Variants in ACSM2A observed in about 807,000 individuals in gnomAD.
The protein encoded by ACSM2A is acyl-coenzyme A synthetase ACSM2A, mitochondrial.
A neutral mutation model predicts 76.6 loss-of-function variants in ACSM2A; 72 were observed. The observed-to-expected ratio is 0.94, with a 90% confidence interval of 0.78 to 1.14. The LOEUF is 1.14. Ranked by LOEUF, ACSM2A falls within the 50% of genes most tolerant of loss-of-function variation. The probability of loss-of-function intolerance (pLI) is 0.00; values close to 1 mark genes in which losing one functional copy is unlikely to be tolerated. For missense variants in ACSM2A, 684 were observed against 708.5 expected (o/e 0.97, Z 0.39); for synonymous variants, 249 against 255.9 (o/e 0.97, Z 0.26).
chr16:20,474,144 C>T (rs59539444), intron 6 of ACSM2A: 4,723 of 409,620 alleles, frequency 0.012, 207 homozygotes, highest in African/African-American at 0.088. Flanking sequence ...AATTTGGGCA[C>T]GTGTTCTCAG....
chr16:20,464,126 C>T lies in ACSM2A; in HGVS notation c.178-1391C>T, dbSNP rs191583436. Among the ~76,000 whole-genome samples the T allele has an allele frequency of 3.9e-5, 6 of 152,274 alleles. No individual in the cohort carries two copies. In the East Asian group the frequency reaches 9.7e-4, roughly 24 times the overall value. On this transcript the variant is annotated intron_variant, in intron 2 of 13. Transcript: ENST00000573854. ...TCTGGTCAGCCTGCATTTCATTGTCCATAATTCTATCAGCATTTTGGTCAC... is the reference window on the plus strand; with the variant it reads ...TCTGGTCAGCCTGCATTTCATTGTCTATAATTCTATCAGCATTTTGGTCAC...
chr16:20,468,637 G>T (rs1335717699), intron 3 of ACSM2A, among the ~76,000 whole-genome samples: 1 of 152,150 alleles, frequency 6.6e-6, no homozygotes, highest in African/African-American at 2.4e-5. Flanking sequence ...TAGGATTACA[G>T]GCATGAGCCA....
At chr16:20,460,797 T>C (rs2012576532) in intron 2 of ACSM2A, among the ~76,000 whole-genome samples, 2 of 131,328 alleles carry the variant, frequency 1.5e-5, no homozygotes, top group Admixed American at 1.5e-4. Flanking sequence ...TGCAGTGAAC[T>C]GTGATCACAC....
At chr16:20,457,167 T>C (rs934747055) in intron 1 of ACSM2A, among the ~76,000 whole-genome samples, 5 of 151,524 alleles carry the variant, frequency 3.3e-5, no homozygotes, top group African/African-American at 1.2e-4. Flanking sequence ...ATACAAAAAT[T>C]ATCAACAACA....
rs773452500 is a variant in ACSM2A at position 20,483,159 on chromosome 16, A to G, written c.1611A>G (p.Pro537=). 20 of 1,614,060 alleles carry G rather than the reference A, an allele frequency of 1.2e-5. No homozygotes were observed. Among genetic ancestry groups the G allele is most frequent in the Admixed American group, 3.3e-5 (2 of 60,006 alleles). ...AGCATGTGAAGTCAGTGACAGCCCC[A>G]TACAAGTACCCAAGAAAGGTAAGGC... ...LQQHVKSVTA[P]YKYPRKIEFV... is the part of the protein sequence containing the mutation. The change falls in exon 13 of 14, where the codon CCA becomes CCG. Residue 537 remains proline, a synonymous_variant. Coordinates refer to ENST00000573854, the MANE Select transcript of ACSM2A (RefSeq NM_001308172.2).
intron 1 of ACSM2A, among the ~76,000 whole-genome samples, chr16:20,458,918 A>ATATATATATATATATAGTG (rs2012419212): frequency 4.7e-5 from 3 of 63,726 alleles, no homozygotes; most frequent in Admixed American, 4.2e-4. Flanking sequence ...ATATATATAT[A>ATATATATATATATATAGTG]TATATATATA....
rs1027864844 is a variant in ACSM2A at position 20,475,657 on chromosome 16, T to C, written c.982T>C (p.Phe328Leu). ...TTTATTTCTCTTCTTCAGTTACAAGTTCCCCCATCTACAGAACTGCGTCAC... is the reference window on the plus strand; with the variant it reads ...TTTATTTCTCTTCTTCAGTTACAAGCTCCCCCATCTACAGAACTGCGTCAC... Reference protein sequence around the residue: ...LLQQDLSSYKFPHLQNCVTVG... With the variant: ...LLQQDLSSYKLPHLQNCVTVG... The change falls in exon 8 of 14, where the codon TTC becomes CTC. Residue 328 changes from phenylalanine to leucine, a missense_variant. Transcript: ENST00000573854. 1.9e-6 allele frequency: 3 copies of C among 1,613,918 alleles called. No individual in the cohort carries two copies. The highest frequency in any genetic ancestry group is 2.2e-5 in the East Asian group (1 of 44,886).
Position 20,480,678 on chromosome 16 carries a change from A to G in ACSM2A, c.1387A>G (p.Asn463Asp), listed in dbSNP as rs9924150. 0.64 allele frequency: 575,746 copies of G among 901,558 alleles called. 255,278 individuals carry two copies. Among genetic ancestry groups the G allele is most frequent in the African/African-American group, 0.94 (52,185 of 55,648 alleles). 55.8% of individuals were successfully genotyped at this position (901,558 alleles called of 1,614,324 possible). A position where few individuals can be genotyped will look rare whatever the true frequency, so the allele number is the denominator to read the frequency against. ...DGYFQFMGRA[N>D]DIINSSGYRI... Reference sequence around the variant, plus strand: ...GTATTTCCAGTTTATGGGACGGGCAAATGATATCATTAACTCCAGCGGGTG... The same window carrying G: ...GTATTTCCAGTTTATGGGACGGGCAGATGATATCATTAACTCCAGCGGGTG... The change falls in exon 11 of 14, where the codon AAT (asparagine) becomes GAT (aspartate). Residue 463 changes from asparagine to aspartate, a missense_variant. This residue lies in a region of ACSM2A where 6 missense variants were observed against 26.6 expected (regional missense o/e 0.23). Coordinates refer to ENST00000573854, the MANE Select transcript of ACSM2A (RefSeq NM_001308172.2).
intron 2 of ACSM2A, among the ~76,000 whole-genome samples, chr16:20,463,045 A>G (rs1337466934): frequency 1.5e-5 from 2 of 131,736 alleles, no homozygotes; most frequent in Non-Finnish European, 3.1e-5. Flanking sequence ...GAACACATGG[A>G]CACAGGAAGG....
intron 13 of ACSM2A, among the ~76,000 whole-genome samples, 162 bp from the exon 14 acceptor site, chr16:20,486,412 G>C (rs1403761824): frequency 6.6e-6 from 1 of 152,156 alleles, no homozygotes; most frequent in Non-Finnish European, 1.5e-5. Flanking sequence ...TCCTCTTATT[G>C]TCCTCATCCC....
chr16:20,476,525 A>G (rs935222503), intron 8 of ACSM2A: 2 of 985,282 alleles, frequency 2.0e-6, no homozygotes, highest in African/African-American at 3.5e-5. Context: ...GCAAATATGA[A>G]TAAGGACAAT....
At position 20,471,683 on chromosome 16, in the gene ACSM2A, T is replaced by C. The variant is rs765379818; in HGVS notation, c.888T>C (p.Ile296=). The C allele has an allele frequency of 6.8e-6, 11 of 1,612,748 alleles. No individual in the cohort carries two copies. The highest frequency in any genetic ancestry group is 9.3e-6 in the Non-Finnish European group (11 of 1,179,166). ...HLLPKFDPLV[I]LKTLSSYPIK... is the part of the protein sequence containing the mutation. ...TGCCAAAGTTTGACCCACTGGTTAT[T>C]CTAAAGGTAAGAGAGGATCCAGTTT... Residue 296 remains isoleucine, a synonymous_variant, in exon 6 of 14, where the codon ATT becomes ATC. Coordinates refer to ENST00000573854, the MANE Select transcript of ACSM2A (RefSeq NM_001308172.2).
At chr16:20,469,881 T>G (rs1344895179) in intron 4 of ACSM2A, among the ~76,000 whole-genome samples, 162 bp downstream of exon 4, 3 of 149,560 alleles carry the variant, frequency 2.0e-5, no homozygotes, top group African/African-American at 7.5e-5. Context: ...TATTTTTTTT[T>G]TTTTTTTTTT....
chr16:20,458,702 A>G (rs2012366768), intron 1 of ACSM2A, among the ~76,000 whole-genome samples: 1 of 141,528 alleles, frequency 7.1e-6, no homozygotes, highest in South Asian at 2.2e-4. Context: ...GTCTATATAT[A>G]TATCATCTTC....
At chr16:20,482,880 A>G in intron 12 of ACSM2A, 178 bp from the exon 13 acceptor site, 1 of 979,690 alleles carries the variant, frequency 1.0e-6, no homozygotes, top group Non-Finnish European at 1.4e-6. Context: ...AAATGACTTC[A>G]GAGAGAGCTG....
At chr16:20,454,356 G>C (rs978256604) in intron 1 of ACSM2A, among the ~76,000 whole-genome samples, 3 of 151,986 alleles carry the variant, frequency 2.0e-5, no homozygotes, top group Non-Finnish European at 2.9e-5. Flanking sequence ...TGGTGAAGCT[G>C]GGGTCACTGA....
chr16:20,471,106 T>A lies in ACSM2A; in HGVS notation c.630T>A (p.Thr210=), dbSNP rs763354345. The change falls in exon 5 of 14, where the codon ACT becomes ACA. Residue 210 remains threonine, a synonymous_variant. Coordinates refer to ENST00000573854, the MANE Select transcript of ACSM2A (RefSeq NM_001308172.2). ...CCACCACTCATCACTGTGTGGAGAC[T>A]GGAAGCCAGGAAGCATCTGCCATCT... The part of the protein sequence containing the change: ...EASTTHHCVE[T]GSQEASAIYF... 6.2e-7 allele frequency: 1 copy of A among 1,613,668 alleles called. No homozygotes were observed. Among genetic ancestry groups the A allele is most frequent in the Non-Finnish European group, 8.5e-7 (1 of 1,179,684 alleles).
At chr16:20,471,711 A>C in intron 6 of ACSM2A, 22 bp downstream of exon 6, 1 of 1,597,144 alleles carries the variant, frequency 6.3e-7, no homozygotes, top group South Asian at 1.1e-5. Flanking sequence ...TCCAGTTTGC[A>C]GCAGTTATTC....
In ACSM2A at chr16:20,452,710, A is replaced by G. The variant is rs1172900229; in HGVS notation, c.-9+1029A>G. Among the ~76,000 whole-genome samples, 1,097 of 149,394 alleles carry G rather than the reference A, an allele frequency of 7.3e-3. 7 individuals are homozygous for G. Among genetic ancestry groups the G allele is most frequent in the African/African-American group, 0.026 (1,064 of 40,238 alleles). ...TAGAGGAAAAGAATATTAAGGATGG[A>G]GTTCTTTTGTTGGTTTTGGGGTTTC... On this transcript the variant is annotated intron_variant, in intron 1 of 13. Coordinates refer to ENST00000573854, the MANE Select transcript of ACSM2A (RefSeq NM_001308172.2).
Sources: allele counts gnomAD v4.1 joint callset (sites outside exome capture counted in the v4.1 genomes callset), GRCh38; gene constraint gnomAD v4.1.1; regional missense constraint gnomAD v4.1.1; transcripts MANE v1.5; gene names NCBI Gene and HGNC (gene_info 2026-07-23, HGNC 2026-07-21).